GTF2E2: variants seen among roughly 807,000 people sequenced by gnomAD.
GTF2E2 encodes the protein transcription initiation factor IIE subunit beta.
A neutral mutation model predicts 40.5 loss-of-function variants in GTF2E2; 21 were observed. The observed-to-expected ratio is 0.52, with a 90% CI of 0.37 to 0.75. GTF2E2 has a LOEUF of 0.75. Ranked by LOEUF, GTF2E2 falls within the 30% of genes least tolerant of loss-of-function variation. The pLI, the probability that GTF2E2 is intolerant of heterozygous loss-of-function variation, is 0.00. For synonymous variants in GTF2E2, 117 were observed against 121.6 expected, an observed-to-expected ratio of 0.96 and a Z score of 0.25; for missense variants, 298 against 338.4, an observed-to-expected ratio of 0.88 and a Z score of 0.94.
chr8:30,645,555 T>A, intron 2 of GTF2E2: 2 of 1,535,646 alleles, frequency 1.3e-6, no homozygotes, highest in Non-Finnish European at 1.7e-6. Flanking sequence ...CTCTTAGAAG[T>A]ATGATGGACA....
chr8:30,625,504 C>A (rs1246150397), intron 3 of GTF2E2, among the ~76,000 whole-genome samples: 1 of 152,112 alleles, frequency 6.6e-6, no homozygotes, highest in African/African-American at 2.4e-5. Flanking sequence ...CTCACAGTAA[C>A]AGGCAACGAC....
At chr8:30,625,888 C>T (rs1247556874) in intron 3 of GTF2E2, among the ~76,000 whole-genome samples, 8 of 152,266 alleles carry the variant, frequency 5.3e-5, no homozygotes, top group Admixed American at 1.3e-4. Context: ...CGTGAGCCAC[C>T]GTGCCCAGCC....
At chr8:30,626,193 A>C (rs1027636715) in intron 3 of GTF2E2, among the ~76,000 whole-genome samples, 7 of 152,218 alleles carry the variant, frequency 4.6e-5, no homozygotes, top group African/African-American at 1.4e-4. Context: ...TGTAGCAATA[A>C]AAGTAAAATG....
chr8:30,622,962 T>C (rs1801157284), intron 3 of GTF2E2, among the ~76,000 whole-genome samples: 1 of 152,064 alleles, frequency 6.6e-6, no homozygotes, highest in Admixed American at 6.5e-5. Flanking sequence ...TTAACGCAAT[T>C]ATCACAGGGT....
intron 2 of GTF2E2, among the ~76,000 whole-genome samples, chr8:30,638,434 GAC>G (rs766340729): frequency 3.4e-4 from 52 of 152,162 alleles, no homozygotes; most frequent in Non-Finnish European, 4.1e-4. Context: ...GAGAAGGGAT[GAC>G]AGTTGATACC....
rs542458050 is a variant in GTF2E2 at position 30,625,041 on chromosome 8, T to C, written c.258+9991A>G. ...TTGCCCTGGCCAGAACTTCCAACAC[T>C]ATGTTGAATAGGAGTGGTGAGAGAG... On this transcript the variant is annotated intron_variant, in intron 3 of 7. Transcript: ENST00000355904. Among the ~76,000 whole-genome samples the C allele has an allele frequency of 1.9e-3, 293 of 152,048 alleles. 3 individuals are homozygous for C. The highest frequency in any genetic ancestry group is 6.3e-3 in the African/African-American group (259 of 41,396).
chr8:30,610,663 T>C (rs188916038), intron 5 of GTF2E2, among the ~76,000 whole-genome samples: 35 of 152,162 alleles, frequency 2.3e-4, no homozygotes, highest in Admixed American at 1.8e-3. Context: ...AGGAATAAAG[T>C]TGGACTCTTA....
chr8:30,650,185 C>A (rs552074060), intron 2 of GTF2E2, among the ~76,000 whole-genome samples: 8 of 152,100 alleles, frequency 5.3e-5, no homozygotes, highest in African/African-American at 1.9e-4. Flanking sequence ...AAATCCTGAC[C>A]GAAATACCAG....
intron 3 of GTF2E2, among the ~76,000 whole-genome samples, chr8:30,624,550 A>C (rs1473427143): frequency 6.6e-6 from 1 of 152,120 alleles, no homozygotes; most frequent in African/African-American, 2.4e-5. Context: ...TCTGTGAAGA[A>C]AGTCATTGGT....
intron 4 of GTF2E2, among the ~76,000 whole-genome samples, chr8:30,613,740 G>A (rs937201891): frequency 2.0e-5 from 3 of 152,210 alleles, no homozygotes; most frequent in Admixed American, 6.5e-5. Flanking sequence ...TGAATTGTAT[G>A]TTAGGAATTT....
At chr8:30,585,772 TAAAAAAAAAAAAAAAAAAAA>T (rs146018850) in intron 6 of GTF2E2, among the ~76,000 whole-genome samples, 15 of 67,620 alleles carry the variant, frequency 2.2e-4, no homozygotes, top group Non-Finnish European at 3.4e-4. Flanking sequence ...CTTTGCCCTT[TAAAAAAAAAAAAAAAAAAAA>T]AAAAAAAAAA....
chr8:30,591,793 G>C (rs146068995), intron 6 of GTF2E2, among the ~76,000 whole-genome samples: 2 of 152,250 alleles, frequency 1.3e-5, no homozygotes, highest in East Asian at 3.9e-4. Context: ...TAAGAGAAAT[G>C]AAAACACATG....
rs1828982415 is a variant in GTF2E2, at chr8:30,595,739, G to C, written c.643+11318C>G. Among the ~76,000 whole-genome samples, 3 of 152,130 alleles carry C rather than the reference G, an allele frequency of 2.0e-5. No homozygotes were observed. In the South Asian group the frequency reaches 6.2e-4, roughly 32 times the overall value. On this transcript the variant is annotated intron_variant, in intron 6 of 7. Transcript: ENST00000355904. Reference sequence around the variant, plus strand: ...CCTAGCTACTCAGGAGGCTGAGATGGGAGGATGAATTGAGCCCTGGAGGCA... The same window carrying C: ...CCTAGCTACTCAGGAGGCTGAGATGCGAGGATGAATTGAGCCCTGGAGGCA...
chr8:30,620,773 A>G (rs1261734502), intron 3 of GTF2E2, among the ~76,000 whole-genome samples: 1 of 151,986 alleles, frequency 6.6e-6, no homozygotes, highest in East Asian at 1.9e-4. Context: ...CACAAAAAAA[A>G]AAAAAATTAG....
chr8:30,611,972 T>C (rs1054822960), intron 5 of GTF2E2, among the ~76,000 whole-genome samples: 1 of 152,192 alleles, frequency 6.6e-6, no homozygotes, highest in African/African-American at 2.4e-5. Flanking sequence ...GAACATCTAC[T>C]AGTATTATAG....
chr8:30,585,583 C>CAGACTT (rs1179897340), intron 6 of GTF2E2, among the ~76,000 whole-genome samples: 1 of 151,930 alleles, frequency 6.6e-6, no homozygotes, highest in Non-Finnish European at 1.5e-5. Flanking sequence ...TTTTGTTCTG[C>CAGACTT]AGACTTGACA....
intron 5 of GTF2E2, among the ~76,000 whole-genome samples, chr8:30,611,060 T>C (rs1307034928): frequency 6.6e-6 from 1 of 152,178 alleles, no homozygotes; most frequent in Non-Finnish European, 1.5e-5. Context: ...CTTGAGAATA[T>C]TATGCTAAGT....
At chr8:30,634,254 C>A (rs1203738861) in intron 3 of GTF2E2, among the ~76,000 whole-genome samples, 4 of 152,156 alleles carry the variant, frequency 2.6e-5, no homozygotes, top group Non-Finnish European at 5.9e-5. Flanking sequence ...TCGAGACCAG[C>A]CTGGACAACA....
intron 6 of GTF2E2, among the ~76,000 whole-genome samples, chr8:30,588,751 C>T (rs921291915): frequency 6.6e-6 from 1 of 152,100 alleles, no homozygotes; most frequent in Non-Finnish European, 1.5e-5. Flanking sequence ...CCAAGAAATT[C>T]GGGTAGCCTC....
Sources: allele counts gnomAD v4.1 joint callset (sites outside exome capture counted in the v4.1 genomes callset), GRCh38; gene constraint gnomAD v4.1.1; transcripts MANE v1.5; gene names NCBI Gene and HGNC (gene_info 2026-07-23, HGNC 2026-07-21).